Variants in RANBP2 observed in about 807,000 individuals in gnomAD.
RANBP2 encodes RAN binding protein 2.
Under a neutral mutation model 303.6 loss-of-function variants are expected in RANBP2, and 57 were observed. That is an observed-to-expected ratio of 0.19 (90% CI 0.15 to 0.23). The LOEUF (loss-of-function observed/expected upper bound fraction) is 0.23. Ranked by LOEUF, RANBP2 falls within the 10% of genes least tolerant of loss-of-function variation. The pLI is 1.00. For missense variants in RANBP2, 3,138 were observed against 3,780.8 expected (o/e 0.83, Z 4.46); for synonymous variants, 1,167 against 1,301.5 (o/e 0.90, Z 2.23).
chr2:108,813,627 A>G, the RANBP2 span, among the ~76,000 whole-genome samples: 10 of 152,328 alleles, frequency 6.6e-5, no homozygotes, highest in African/African-American at 1.9e-4. Context: ...AAAATTTGAG[A>G]TATAAATTAC....
chr2:109,321,439 T>C, the RANBP2 span, among the ~76,000 whole-genome samples: 1 of 152,246 alleles, frequency 6.6e-6, no homozygotes, highest in Non-Finnish European at 1.5e-5. Context: ...TTGTTGAATT[T>C]TGATTATCAG....
the RANBP2 span, among the ~76,000 whole-genome samples, chr2:109,640,212 G>C: frequency 6.6e-6 from 1 of 151,522 alleles, no homozygotes; most frequent in African/African-American, 2.4e-5. Context: ...CAGCACTGTG[G>C]AGGCCAAGGC....
chr2:109,436,839 G>T, the RANBP2 span: 8 of 1,578,058 alleles, frequency 5.1e-6, no homozygotes, highest in East Asian at 2.3e-5. Context: ...AGGCCCACAT[G>T]GCACGAATGC....
the RANBP2 span, among the ~76,000 whole-genome samples, chr2:109,252,574 A>G: frequency 7.2e-5 from 11 of 152,230 alleles, no homozygotes; most frequent in Non-Finnish European, 1.5e-4. Context: ...AACTAGAATG[A>G]CAGAATGAGT....
chr2:108,736,100 A>G lies in RANBP2; in HGVS notation c.637-4A>G, dbSNP rs373765170. ...TGTAACTTACTGTTCATTCCACAAAATAGGAATATCTGGAGTCTTTACAGT... is the reference window on the plus strand; with the variant it reads ...TGTAACTTACTGTTCATTCCACAAAGTAGGAATATCTGGAGTCTTTACAGT... On this transcript the variant is annotated splice_polypyrimidine_tract_variant and splice_region_variant and intron_variant, in intron 5 of 28. Coordinates refer to ENST00000283195, the MANE Select transcript of RANBP2 (RefSeq NM_006267.5). 6.2e-6 allele frequency: 10 copies of G among 1,611,718 alleles called. No homozygotes were observed. Among genetic ancestry groups the G allele is most frequent in the African/African-American group, 1.3e-5 (1 of 74,814 alleles).
At chr2:109,675,490 T>C in the RANBP2 span, among the ~76,000 whole-genome samples, 2 of 152,134 alleles carry the variant, frequency 1.3e-5, no homozygotes, top group Non-Finnish European at 2.9e-5. Flanking sequence ...GAGACCAGCC[T>C]GGCCAACATA....
the RANBP2 span, among the ~76,000 whole-genome samples, chr2:108,875,442 C>T: frequency 6.6e-6 from 1 of 151,994 alleles, no homozygotes; most frequent in Admixed American, 6.6e-5. Context: ...CAATATTCTG[C>T]CACTTTAAAA....
chr2:109,092,881 G>T, the RANBP2 span, among the ~76,000 whole-genome samples: 5 of 152,216 alleles, frequency 3.3e-5, no homozygotes, highest in Non-Finnish European at 7.3e-5. Flanking sequence ...AATGGAGAGA[G>T]GAGTATCACA....
At chr2:109,652,227 GTT>G in the RANBP2 span, among the ~76,000 whole-genome samples, 3 of 144,286 alleles carry the variant, frequency 2.1e-5, no homozygotes, top group Non-Finnish European at 3.1e-5. Flanking sequence ...ATTTTTGTTT[GTT>G]TTTTTTTTTT....
chr2:109,406,561 A>G, the RANBP2 span, among the ~76,000 whole-genome samples: 4 of 152,174 alleles, frequency 2.6e-5, no homozygotes, highest in Non-Finnish European at 4.4e-5. Context: ...CACCAGGCTG[A>G]GTCTAGCCAC....
chr2:109,114,820 CTGGTATGT>C, the RANBP2 span, among the ~76,000 whole-genome samples: 1 of 152,088 alleles, frequency 6.6e-6, no homozygotes, highest in Non-Finnish European at 1.5e-5. Context: ...CCCAGAGACT[CTGGTATGT>C]TGTGTCTTTG....
chr2:108,911,416 G>T, the RANBP2 span, among the ~76,000 whole-genome samples: 138,645 of 152,130 alleles, frequency 0.91, 63,245 homozygotes, highest in East Asian at 1. Flanking sequence ...AACAAGAGTG[G>T]CTGGAAGGCA....
At chr2:108,794,118 G>T in the RANBP2 span, among the ~76,000 whole-genome samples, 1 of 152,132 alleles carries the variant, frequency 6.6e-6, no homozygotes, top group Non-Finnish European at 1.5e-5. Flanking sequence ...GGCAAAACAA[G>T]CAAGGACTTT....
At chr2:109,481,643 C>T in the RANBP2 span, among the ~76,000 whole-genome samples, 3 of 152,296 alleles carry the variant, frequency 2.0e-5, no homozygotes, top group South Asian at 2.1e-4. Flanking sequence ...GAAACCAAAG[C>T]GGCCAAGGGG....
chr2:109,416,182 T>C, the RANBP2 span, among the ~76,000 whole-genome samples: 2 of 152,190 alleles, frequency 1.3e-5, no homozygotes, highest in Non-Finnish European at 2.9e-5. Context: ...GACTAAGACA[T>C]TCCCTAACAA....
At chr2:108,865,436 A>G in the RANBP2 span, among the ~76,000 whole-genome samples, 1 of 152,096 alleles carries the variant, frequency 6.6e-6, no homozygotes, top group African/African-American at 2.4e-5. Context: ...TCTTTTGGGG[A>G]AAATATTTCC....
the RANBP2 span, among the ~76,000 whole-genome samples, chr2:109,690,096 G>A: frequency 3.7e-4 from 57 of 152,258 alleles, no homozygotes; most frequent in Non-Finnish European, 4.1e-4. Flanking sequence ...AACCCTGAAT[G>A]TATCTGAGAC....
At chr2:109,161,826 A>G in the RANBP2 span, among the ~76,000 whole-genome samples, 1 of 151,584 alleles carries the variant, frequency 6.6e-6, no homozygotes, top group Non-Finnish European at 1.5e-5. Context: ...GGATGCAAAT[A>G]CCTCCCATCG....
the RANBP2 span, among the ~76,000 whole-genome samples, chr2:108,794,149 T>C: frequency 2.4e-4 from 37 of 152,322 alleles, no homozygotes; most frequent in African/African-American, 8.7e-4. Context: ...TAGTGGAGAT[T>C]AAACAGCAAA....
Sources: gnomAD v4.1 joint callset for allele counts (sites outside exome capture counted in the v4.1 genomes callset) on GRCh38, gnomAD v4.1.1 for gene constraint, MANE v1.5 for transcripts, NCBI Gene and HGNC (gene_info 2026-07-23, HGNC 2026-07-21) for gene names.